Variants in ALG8 observed in about 807,000 individuals in gnomAD.
ALG8 encodes ALG8 alpha-1,3-glucosyltransferase.
In ALG8, 48 loss-of-function variants were observed where a neutral mutation model predicts 70.2. That is an observed-to-expected ratio of 0.68 (90% CI 0.54 to 0.87). The LOEUF (loss-of-function observed/expected upper bound fraction) is 0.87. Ranked by LOEUF, ALG8 falls within the 40% of genes least tolerant of loss-of-function variation. The pLI, the probability that ALG8 is intolerant of heterozygous loss-of-function variation, is 0.00. For missense variants in ALG8, 572 were observed against 608.7 expected, an observed-to-expected ratio of 0.94 and a Z score of 0.64; for synonymous variants, 234 against 229.0, an observed-to-expected ratio of 1.02 and a Z score of -0.20.
intron 12 of ALG8, chr11:78,103,584 C>T (rs682466): frequency 0.21 from 35,347 of 165,316 alleles, 4,674 homozygotes; most frequent in African/African-American, 0.38. Flanking sequence ...GCCGAGATCA[C>T]GCCATTGCCC....
intron 5 of ALG8, among the ~76,000 whole-genome samples, chr11:78,115,951 T>C (rs551552349): frequency 1.1e-4 from 17 of 152,302 alleles, no homozygotes; most frequent in African/African-American, 4.8e-5. Flanking sequence ...AAAAAATCAA[T>C]TGAATTTTAT....
chr11:78,114,761 T>C lies in ALG8; in HGVS notation c.547-369A>G, dbSNP rs138296394. On this transcript the variant is annotated intron_variant, in intron 5 of 12. Coordinates refer to ENST00000299626, the MANE Select transcript of ALG8 (RefSeq NM_024079.5). Reference sequence around the variant, plus strand: ...TGGAAGGATTGCTTGACCCCAGGAGTTCAAGACCAGCCTGGACAAAATAGG... The same window carrying C: ...TGGAAGGATTGCTTGACCCCAGGAGCTCAAGACCAGCCTGGACAAAATAGG... 111 of 434,746 alleles carry C rather than the reference T, an allele frequency of 2.6e-4. 1 individual carries two copies. Among genetic ancestry groups the C allele is most frequent in the African/African-American group, 2.0e-3 (95 of 48,708 alleles). 26.9% of individuals were successfully genotyped at this position (434,746 alleles called of 1,614,324 possible).
intron 1 of ALG8, among the ~76,000 whole-genome samples, chr11:78,128,965 C>CA (rs1365569029): frequency 6.6e-6 from 1 of 152,026 alleles, no homozygotes; most frequent in Non-Finnish European, 1.5e-5. Context: ...GTTGTGGAGA[C>CA]AGACACCTCC....
At chr11:78,132,135 G>A (rs1057434208) in intron 1 of ALG8, among the ~76,000 whole-genome samples, 1 of 152,198 alleles carries the variant, frequency 6.6e-6, no homozygotes, top group Admixed American at 6.5e-5. Context: ...CAGTGGCGTA[G>A]AGAAGCAGCT....
chr11:78,132,735 C>T (rs1327550208), intron 1 of ALG8, among the ~76,000 whole-genome samples: 1 of 152,122 alleles, frequency 6.6e-6, no homozygotes, highest in East Asian at 1.9e-4. Flanking sequence ...CACTTTAGGC[C>T]TCCAATGATG....
At chr11:78,107,198 AATATATATAT>A (rs57228944) in intron 9 of ALG8, among the ~76,000 whole-genome samples, 1 of 143,872 alleles carries the variant, frequency 7.0e-6, no homozygotes, top group South Asian at 2.2e-4. Flanking sequence ...TTTATATGTA[AATATATATAT>A]ATATATATAT....
At chr11:78,124,741 G>A (rs991049403) in intron 2 of ALG8, among the ~76,000 whole-genome samples, 4 of 152,046 alleles carry the variant, frequency 2.6e-5, no homozygotes, top group Non-Finnish European at 5.9e-5. Flanking sequence ...TTTGTAAAAT[G>A]AGGTATTATG....
At chr11:78,126,534 A>AAC (rs1474046669) in intron 2 of ALG8, among the ~76,000 whole-genome samples, 2 of 149,682 alleles carry the variant, frequency 1.3e-5, no homozygotes, top group African/African-American at 4.9e-5. Flanking sequence ...CTCTGTCTCA[A>AAC]AAAAAAAAAA....
chr11:78,114,233 G>A (rs766456373), intron 6 of ALG8, 33 bp downstream of exon 6: 23 of 1,613,264 alleles, frequency 1.4e-5, no homozygotes, highest in East Asian at 4.5e-5. Flanking sequence ...GGGAAAAATC[G>A]AAAATGTTTT....
At position 78,139,578 on chromosome 11, in the gene ALG8, A is replaced by G; in HGVS notation, c.11T>C (p.Leu4Pro). The G allele has an allele frequency of 6.4e-7, 1 of 1,556,194 alleles. No individual in the cohort carries two copies. The highest frequency in any genetic ancestry group is 1.7e-4 in the Middle Eastern group (1 of 5,966). Residue 4 changes from leucine (L) to proline (P), a missense_variant, in exon 1 of 13, where the codon CTC (leucine) becomes CCC (proline). Coordinates refer to ENST00000299626, the MANE Select transcript of ALG8 (RefSeq NM_024079.5). The part of the protein sequence containing the change: MAA[L>P]TIATGTGNWF... Reference sequence around the variant, plus strand: ...ATTGCCAGTACCCGTGGCAATTGTGAGCGCCGCCATTGCTGCGGCACCGCA... The same window carrying G: ...ATTGCCAGTACCCGTGGCAATTGTGGGCGCCGCCATTGCTGCGGCACCGCA...
chr11:78,111,669 C>T (rs1165502334), intron 8 of ALG8, among the ~76,000 whole-genome samples: 5 of 152,116 alleles, frequency 3.3e-5, no homozygotes, highest in Non-Finnish European at 2.9e-5. Context: ...CTGTGTGTGG[C>T]CTGCATAGCT....
rs561278320 is a variant in ALG8, at chr11:78,137,922, T to TA, written c.95+1571dup. Reference sequence around the variant, plus strand: ...GAGAGTTACCGCAGCCTTCAATTTGTAAAAAAAATGAAAATGCAGTATCTG... The same window carrying TA: ...GAGAGTTACCGCAGCCTTCAATTTGTAAAAAAAAATGAAAATGCAGTATCTG... On this transcript the variant is annotated intron_variant, in intron 1 of 12. Transcript: ENST00000299626. Among the ~76,000 whole-genome samples the TA allele has an allele frequency of 2.7e-4, 41 of 151,976 alleles. 1 individual carries two copies. Among genetic ancestry groups the TA allele is most frequent in the East Asian group, 1.2e-3 (6 of 5,178 alleles).
At chr11:78,110,266 C>G (rs1205824006) in intron 8 of ALG8, among the ~76,000 whole-genome samples, 1 of 152,134 alleles carries the variant, frequency 6.6e-6, no homozygotes, top group Non-Finnish European at 1.5e-5. Flanking sequence ...CTCACTGCAG[C>G]CTCTGCCTCC....
Position 78,116,097 on chromosome 11 carries a change from T to C in ALG8, c.547-1705A>G, listed in dbSNP as rs533239246. ...AACAAAGGCCAGGCGTGGTGGCTCA[T>C]GCCTATAATCCCAGCACTTTGGGAG... is the stretch of plus-strand genomic sequence containing the variant. On this transcript the variant is annotated intron_variant, in intron 5 of 12. Transcript: ENST00000299626. Among the ~76,000 whole-genome samples, 3 of 152,316 alleles carry C rather than the reference T, an allele frequency of 2.0e-5. No individual in the cohort carries two copies. In the East Asian group the frequency reaches 5.8e-4, roughly 29 times the overall value.
rs977709503 is a variant in ALG8 at position 78,112,613 on chromosome 11, T to C, written c.898+37A>G. On this transcript the variant is annotated intron_variant, in intron 8 of 12. Coordinates refer to ENST00000299626, the MANE Select transcript of ALG8 (RefSeq NM_024079.5). ...TCTCCATGTGCCTAAGTCCTTTCAATATTCAGAGTCTGAGTAAAAAATGCT... is the reference window on the plus strand; with the variant it reads ...TCTCCATGTGCCTAAGTCCTTTCAACATTCAGAGTCTGAGTAAAAAATGCT... The C allele has an allele frequency of 2.5e-6, 4 of 1,611,144 alleles. No homozygotes were observed. In the Admixed American group the frequency reaches 5.0e-5, roughly 20 times the overall value.
rs771390023 is a variant in ALG8 at position 78,124,207 on chromosome 11, G to A, written c.182C>T (p.Ser61Leu). Residue 61 changes from serine (S) to leucine (L), a missense_variant, in exon 3 of 13, where the codon TCA (serine) becomes TTA (leucine). Transcript: ENST00000299626. ...AGGGGGGTAATCCAACGTCCACTCT[G>A]AAGTTGCCTGTGATAAAAATAGAAG... The part of the protein sequence containing the change: ...PISQWYYEAT[S>L]EWTLDYPPFF... 1.2e-6 allele frequency: 2 copies of A among 1,614,120 alleles called. No homozygotes were observed. Among genetic ancestry groups the A allele is most frequent in the Non-Finnish European group, 1.7e-6 (2 of 1,179,990 alleles).
chr11:78,109,723 C>A, intron 8 of ALG8, 142 bp from the exon 9 acceptor site: 1 of 862,136 alleles, frequency 1.2e-6, no homozygotes, highest in Non-Finnish European at 1.8e-6. Context: ...TGAATTTAAT[C>A]CTATACTATT....
chr11:78,124,228 A>G lies in ALG8; in HGVS notation c.175-14T>C, dbSNP rs1424603045. On this transcript the variant is annotated splice_polypyrimidine_tract_variant and intron_variant, in intron 2 of 12. Transcript: ENST00000299626. ...CTCTGAAGTTGCCTGTGATAAAAATAGAAGATCAGACATATCCTAAATAAC... is the reference window on the plus strand; with the variant it reads ...CTCTGAAGTTGCCTGTGATAAAAATGGAAGATCAGACATATCCTAAATAAC... The G allele has an allele frequency of 1.2e-6, 2 of 1,611,842 alleles. No individual in the cohort carries two copies. Among genetic ancestry groups the G allele is most frequent in the Non-Finnish European group, 8.5e-7 (1 of 1,177,890 alleles).
chr11:78,122,453 T>G (rs913183628), intron 3 of ALG8, among the ~76,000 whole-genome samples: 5 of 151,782 alleles, frequency 3.3e-5, no homozygotes, highest in African/African-American at 1.2e-4. Context: ...AGAGATCCTC[T>G]GCCTCAGGCT....
Sources: allele counts gnomAD v4.1 joint callset (sites outside exome capture counted in the v4.1 genomes callset), GRCh38; gene constraint gnomAD v4.1.1; transcripts MANE v1.5; gene names NCBI Gene and HGNC (gene_info 2026-07-23, HGNC 2026-07-21).